The following FCHSD2 variants were observed in gnomAD, a reference collection of about 807,000 sequenced individuals.
FCHSD2 encodes FCH and double SH3 domains 2, also known as F-BAR and double SH3 domains protein 2.
FCHSD2 carries 38 observed loss-of-function variants against 108.1 expected under a neutral mutation model. That is an observed-to-expected ratio of 0.35 (90% CI 0.27 to 0.46). The LOEUF is 0.46. Among genes scored for constraint, FCHSD2 ranks in the 20% least tolerant of loss-of-function variants. The pLI, the probability that FCHSD2 is intolerant of heterozygous loss-of-function variation, is 1.00. For synonymous variants in FCHSD2, 279 were observed against 314.7 expected, an observed-to-expected ratio of 0.89 and a Z score of 1.20; for missense variants, 751 against 897.8, an observed-to-expected ratio of 0.84 and a Z score of 2.09.
intron 4 of FCHSD2, among the ~76,000 whole-genome samples, chr11:73,013,372 T>C (rs1283468938): frequency 3.3e-5 from 5 of 152,230 alleles, no homozygotes; most frequent in Non-Finnish European, 5.9e-5. Context: ...TTTTCTTCTA[T>C]GGCTCCAGTG....
chr11:73,007,837 A>C (rs1160001990), intron 4 of FCHSD2, among the ~76,000 whole-genome samples: 1 of 152,178 alleles, frequency 6.6e-6, no homozygotes, highest in Admixed American at 6.5e-5. Context: ...CTTGGTTGTG[A>C]TATTGTACTA....
intron 3 of FCHSD2, among the ~76,000 whole-genome samples, chr11:73,035,877 C>T (rs1858484295): frequency 6.6e-6 from 1 of 151,938 alleles, no homozygotes; most frequent in South Asian, 2.1e-4. Context: ...TGCACCACCA[C>T]ACCCAGCTAA....
Position 72,907,598 on chromosome 11 carries a change from G to GTTTTTTTTTTTTTTT in FCHSD2, c.829-4961_829-4960insAAAAAAAAAAAAAAA, listed in dbSNP as rs200788964. Among the ~76,000 whole-genome samples, 3 of 72,714 alleles carry GTTTTTTTTTTTTTTT rather than the reference G, an allele frequency of 4.1e-5. 1 individual carries two copies. Among genetic ancestry groups the GTTTTTTTTTTTTTTT allele is most frequent in the Admixed American group, 1.8e-4 (1 of 5,500 alleles). 47.7% of individuals were successfully genotyped at this position (72,714 alleles called of 152,430 possible). ...CTGCATCTATTGAGATAATCACGTG[G>GTTTTTTTTTTTTTTT]GTTTTTTTTTTTTTTTTTTTTCTTG... On this transcript the variant is annotated intron_variant, in intron 9 of 19. Transcript: ENST00000409418.
intron 2 of FCHSD2, among the ~76,000 whole-genome samples, chr11:73,122,858 A>G (rs2135560478): frequency 6.6e-6 from 1 of 152,346 alleles, no homozygotes; most frequent in South Asian, 2.1e-4. Context: ...CTACATTTAC[A>G]AAGAATCTAC....
intron 3 of FCHSD2, among the ~76,000 whole-genome samples, chr11:73,061,285 T>A (rs191230535): frequency 1.4e-4 from 22 of 152,364 alleles, no homozygotes; most frequent in African/African-American, 5.0e-4. Context: ...GATACTGTGC[T>A]TGTCGCATGG....
At chr11:73,101,228 C>T (rs899749803) in intron 2 of FCHSD2, among the ~76,000 whole-genome samples, 14 of 152,138 alleles carry the variant, frequency 9.2e-5, no homozygotes, top group Admixed American at 3.3e-4. Flanking sequence ...CAGATAAATG[C>T]CATCTCAGTT....
chr11:72,956,324 T>A (rs1461496189), intron 8 of FCHSD2, among the ~76,000 whole-genome samples: 1 of 152,028 alleles, frequency 6.6e-6, no homozygotes, highest in Admixed American at 6.6e-5. Context: ...TTGGCAACCA[T>A]CATAAAGGTG....
Position 72,843,454 on chromosome 11 carries a change from C to G in FCHSD2, c.1522G>C (p.Val508Leu). 1 of 1,612,036 alleles carries G rather than the reference C, an allele frequency of 6.2e-7. No individual in the cohort carries two copies. The highest frequency in any genetic ancestry group is 1.1e-5 in the South Asian group (1 of 91,046). ...VIEDGDMEDWVKARNKVGQVG... is the reference protein window; with the variant it reads ...VIEDGDMEDWLKARNKVGQVG... ...ATATGAGCAAAGGAATATACCTTTA[C>G]CCAGTCTTCCATATCTCCATCTTCA... is the stretch of plus-strand genomic sequence containing the variant. Residue 508 changes from valine (V) to leucine (L), a missense_variant, in exon 15 of 20, where the codon GTA (valine) becomes CTA (leucine). Physicochemically the swap from Val to Leu is conservative, Grantham distance 32. Coordinates refer to ENST00000409418, the MANE Select transcript of FCHSD2 (RefSeq NM_014824.3).
Position 73,141,951 on chromosome 11 carries a change from G to T in FCHSD2, c.-74C>A. On this transcript the variant is annotated 5_prime_UTR_variant, in exon 1 of 20. Transcript: ENST00000409418. ...CAGGAGGAGGAGGAGGGCCGGAGAG[G>T]AGGGGACGGCCCAGCGAGCGCGCGC... The T allele has an allele frequency of 6.9e-7, 1 of 1,442,490 alleles. No homozygotes were observed. The highest frequency in any genetic ancestry group is 9.4e-7 in the Non-Finnish European group (1 of 1,067,030). 89.4% of individuals were successfully genotyped at this position (1,442,490 alleles called of 1,614,324 possible). A position where few individuals can be genotyped will look rare whatever the true frequency, so the allele number is the denominator to read the frequency against.
chr11:73,095,619 G>A (rs768893590), intron 2 of FCHSD2, among the ~76,000 whole-genome samples: 6 of 152,192 alleles, frequency 3.9e-5, no homozygotes, highest in Non-Finnish European at 7.4e-5. Context: ...GAGGAGAAAG[G>A]TAAGGCATAA....
rs1382921042 is a variant in FCHSD2 at position 73,123,328 on chromosome 11, C to A, written c.119+16703G>T. 2.0e-5 allele frequency among the ~76,000 whole-genome samples: 3 copies of A among 152,318 alleles called. No individual in the cohort carries two copies. In the South Asian group the frequency reaches 6.2e-4, roughly 32 times the overall value. ...TAGCCAAGCCAGTATTTCCTGGAAT[C>A]CCTGAGGTCAGGAAAAGTATCTGAA... On this transcript the variant is annotated intron_variant, in intron 2 of 19. Coordinates refer to ENST00000409418, the MANE Select transcript of FCHSD2 (RefSeq NM_014824.3).
intron 4 of FCHSD2, among the ~76,000 whole-genome samples, chr11:73,010,967 G>T (rs1302400937): frequency 6.6e-6 from 1 of 152,132 alleles, no homozygotes; most frequent in Non-Finnish European, 1.5e-5. Context: ...GCTGGTGTTG[G>T]TGGTGGCTGT....
At chr11:72,937,623 G>A (rs1273782070) in intron 8 of FCHSD2, among the ~76,000 whole-genome samples, 2 of 152,162 alleles carry the variant, frequency 1.3e-5, no homozygotes, top group Non-Finnish European at 2.9e-5. Flanking sequence ...GAATATAGGC[G>A]TGAGCCACCG....
chr11:73,054,100 TC>T (rs1223473801), intron 3 of FCHSD2, among the ~76,000 whole-genome samples: 8 of 152,106 alleles, frequency 5.3e-5, no homozygotes, highest in Non-Finnish European at 7.4e-5. Context: ...TGGAAGACAG[TC>T]ACATCCATTT....
chr11:72,964,862 T>A (rs1856877043), intron 8 of FCHSD2, among the ~76,000 whole-genome samples: 1 of 150,532 alleles, frequency 6.6e-6, no homozygotes, highest in South Asian at 2.1e-4. Context: ...GGATCTCGGC[T>A]CACTGCAAGT....
rs1220586443 is a variant in FCHSD2 at position 72,956,515 on chromosome 11, TATAATCAAC to T, written c.705+27564_705+27572del. On this transcript the variant is annotated intron_variant, in intron 8 of 19. Transcript: ENST00000409418. ...CAGGTTATTATAATCAACTTTGACT[TATAATCAAC>T]AGCATTAATTTCTCTTACTTCTGGA... is the stretch of plus-strand genomic sequence containing the variant. Among the ~76,000 whole-genome samples the T allele has an allele frequency of 9.8e-5, 15 of 152,330 alleles. No homozygotes were observed. The East Asian group carries it at 1.9e-3, about 20-fold the overall frequency.
At chr11:73,006,890 T>C (rs1240909257) in intron 4 of FCHSD2, among the ~76,000 whole-genome samples, 32 of 152,220 alleles carry the variant, frequency 2.1e-4, no homozygotes, top group Admixed American at 2.1e-3. Context: ...TGATGGAGCC[T>C]AGATTTGAAA....
At chr11:72,905,918 T>A (rs900923644) in intron 9 of FCHSD2, among the ~76,000 whole-genome samples, 2 of 152,226 alleles carry the variant, frequency 1.3e-5, no homozygotes, top group Admixed American at 1.3e-4. Flanking sequence ...TGTGTCTTTA[T>A]AGCAGAATGA....
chr11:73,059,674 C>T (rs1025305645), intron 3 of FCHSD2, among the ~76,000 whole-genome samples: 22 of 152,146 alleles, frequency 1.4e-4, no homozygotes, highest in African/African-American at 4.8e-4. Context: ...CCTGAGAAAC[C>T]GGCTAATAAT....
Sources: gnomAD v4.1 joint callset for allele counts (sites outside exome capture counted in the v4.1 genomes callset) on GRCh38, gnomAD v4.1.1 for gene constraint, MANE v1.5 for transcripts, NCBI Gene and HGNC (gene_info 2026-07-23, HGNC 2026-07-21) for gene names.